The following PCBP3 variants were observed in gnomAD, a reference collection of about 807,000 sequenced individuals.
PCBP3 encodes the protein poly(rC) binding protein 3, also known as poly(rC)-binding protein 3.
A neutral mutation model predicts 52.7 loss-of-function variants in PCBP3; 25 were observed. The observed-to-expected ratio is 0.47, with a 90% CI of 0.35 to 0.66. The LOEUF (loss-of-function observed/expected upper bound fraction) is 0.66, where lower values mean the gene tolerates loss of function less well. Among genes scored for constraint, PCBP3 ranks in the 30% least tolerant of loss-of-function variants. The pLI, the probability that PCBP3 is intolerant of heterozygous loss-of-function variation, is 0.01. For missense variants in PCBP3, 391 were observed against 490.3 expected, an observed-to-expected ratio of 0.80 and a Z score of 1.91; for synonymous variants, 162 against 183.0, an observed-to-expected ratio of 0.89 and a Z score of 0.93.
At chr21:45,761,157 C>G (rs966947291) in intron 4 of PCBP3, 2 of 152,112 alleles carry the variant, frequency 1.3e-5, no homozygotes, top group African/African-American at 2.4e-5. Flanking sequence ...CACGTGGAGC[C>G]TTTCAGGGCT....
intron 4 of PCBP3, among the ~76,000 whole-genome samples, chr21:45,776,296 C>T (rs2090247694): frequency 1.3e-5 from 2 of 152,090 alleles, no homozygotes; most frequent in Admixed American, 1.3e-4. Flanking sequence ...GTAGAGTGTT[C>T]TGTAAATGTC....
intron 4 of PCBP3, among the ~76,000 whole-genome samples, chr21:45,842,045 C>G (rs879627836): frequency 2.6e-5 from 4 of 152,206 alleles, no homozygotes; most frequent in Non-Finnish European, 5.9e-5. Flanking sequence ...ACAAAAATAC[C>G]TCGTGTTCCA....
intron 4 of PCBP3, among the ~76,000 whole-genome samples, chr21:45,847,846 G>A (rs1183057613): frequency 2.6e-5 from 4 of 152,174 alleles, no homozygotes; most frequent in African/African-American, 9.7e-5. Flanking sequence ...TCAACTTGTC[G>A]ATTATTTTTT....
chr21:45,765,022 C>G (rs1401184244), intron 4 of PCBP3, among the ~76,000 whole-genome samples: 1 of 152,220 alleles, frequency 6.6e-6, no homozygotes, highest in Non-Finnish European at 1.5e-5. Flanking sequence ...CGTGGACTTG[C>G]TGCTGTCCAT....
rs1259134476 is a variant in PCBP3 at position 45,656,955 on chromosome 21, G to C, written c.-278-11919G>C. On this transcript the variant is annotated intron_variant, in intron 1 of 17. Coordinates refer to ENST00000681687, the MANE Select transcript of PCBP3 (RefSeq NM_001384156.1). This position sits in a 1 kb window ranked among gnomAD's most constrained non-coding sequence, Gnocchi z 4.3. ...TCCTGCCTCAGCCTCCCGAGTAGCT[G>C]GGACTACAGGTGCCCGCCACTGCGC... Among the ~76,000 whole-genome samples the C allele has an allele frequency of 6.6e-6, 1 of 152,116 alleles. No homozygotes were observed. Among genetic ancestry groups the C allele is most frequent in the African/African-American group, 2.4e-5 (1 of 41,406 alleles).
At chr21:45,662,821 G>A (rs1247574587) in intron 1 of PCBP3, among the ~76,000 whole-genome samples, 2 of 152,140 alleles carry the variant, frequency 1.3e-5, no homozygotes, top group African/African-American at 4.8e-5. Flanking sequence ...GGTAATGCCA[G>A]TGTCTGTTGC....
At chr21:45,674,553 A>C (rs1361080098) in intron 2 of PCBP3, among the ~76,000 whole-genome samples, 2 of 152,164 alleles carry the variant, frequency 1.3e-5, no homozygotes, top group East Asian at 3.9e-4. Context: ...CTTTCACAGG[A>C]TACTTCATTA....
chr21:45,873,455 T>G (rs1457655333), intron 5 of PCBP3: 1 of 152,198 alleles, frequency 6.6e-6, no homozygotes, highest in African/African-American at 2.4e-5. Context: ...AGTCAGAGCT[T>G]TCTGGTGTCT....
At chr21:45,779,140 G>A (rs774772509) in intron 4 of PCBP3, among the ~76,000 whole-genome samples, 2 of 152,210 alleles carry the variant, frequency 1.3e-5, no homozygotes, top group Admixed American at 1.3e-4. Context: ...AGGACATCAC[G>A]CAGTCTGCCA....
At position 45,712,517 on chromosome 21, in the gene PCBP3, T is replaced by G. The variant is rs552309969; in HGVS notation, c.-199-22875T>G. 7.2e-5 allele frequency among the ~76,000 whole-genome samples: 11 copies of G among 152,334 alleles called. No individual in the cohort carries two copies. In the East Asian group the frequency reaches 1.9e-3, roughly 27 times the overall value. On this transcript the variant is annotated intron_variant, in intron 2 of 17. Coordinates refer to ENST00000681687, the MANE Select transcript of PCBP3 (RefSeq NM_001384156.1). The stretch of plus-strand genomic sequence containing the variant: ...GATGTGTTTAATGTGGTGAGCCAGT[T>G]TTGAAAACTGACTCTTCTGTACCTC...
At chr21:45,857,573 C>G (rs79863807) in intron 5 of PCBP3, among the ~76,000 whole-genome samples, 1 of 152,134 alleles carries the variant, frequency 6.6e-6, no homozygotes, top group African/African-American at 2.4e-5. Flanking sequence ...TATAACCCCC[C>G]ACCTTTGAGC....
intron 8 of PCBP3, 108 bp from the exon 9 acceptor site, chr21:45,900,889 G>C (rs2096016761): frequency 1.3e-6 from 1 of 784,014 alleles, no homozygotes; most frequent in Non-Finnish European, 2.3e-6. Flanking sequence ...GTTTCCGTCA[G>C]CGGACAGAGG....
chr21:45,787,516 C>T (rs938743722), intron 4 of PCBP3, among the ~76,000 whole-genome samples: 3 of 152,326 alleles, frequency 2.0e-5, no homozygotes, highest in South Asian at 2.1e-4. Context: ...CCTGGCCCCC[C>T]ACAGTGCTGG....
intron 5 of PCBP3, among the ~76,000 whole-genome samples, chr21:45,852,676 G>T (rs960935663): frequency 2.0e-5 from 3 of 151,086 alleles, no homozygotes; most frequent in Admixed American, 1.3e-4. Context: ...GCTGATTTTT[G>T]TTCAGAAGGA....
chr21:45,809,983 C>T (rs951607388), intron 4 of PCBP3, among the ~76,000 whole-genome samples: 15 of 152,264 alleles, frequency 9.9e-5, no homozygotes, highest in Admixed American at 3.9e-4. Context: ...GGATCAAGCA[C>T]ATCAATAATC....
At chr21:45,930,494 G>A (rs2076039771) in intron 14 of PCBP3, among the ~76,000 whole-genome samples, 2 of 152,196 alleles carry the variant, frequency 1.3e-5, no homozygotes, top group Admixed American at 1.3e-4. Context: ...TCGCTGTCAT[G>A]AGGCCATCAA....
chr21:45,796,636 T>G (rs1042018122), intron 4 of PCBP3, among the ~76,000 whole-genome samples: 2 of 152,238 alleles, frequency 1.3e-5, no homozygotes, highest in East Asian at 1.9e-4. Flanking sequence ...TGACCTCAGT[T>G]GTTTAGTTTT....
At chr21:45,715,124 T>A (rs1424323647) in intron 2 of PCBP3, among the ~76,000 whole-genome samples, 3 of 152,174 alleles carry the variant, frequency 2.0e-5, no homozygotes, top group African/African-American at 7.2e-5. Flanking sequence ...TGCAGTTTGG[T>A]ATTGTTTTTG....
chr21:45,867,951 G>A lies in PCBP3; in HGVS notation c.10+17856G>A, dbSNP rs560877907. On this transcript the variant is annotated intron_variant, in intron 5 of 17. Transcript: ENST00000681687. ...GGAAGAGTCTCAGAAATGTTACTTT[G>A]AGTCAAAAAGCTGGACAAAAAAAGG... Among the ~76,000 whole-genome samples, 20 of 152,368 alleles carry A rather than the reference G, an allele frequency of 1.3e-4. No homozygotes were observed. The East Asian group carries it at 3.7e-3, about 28-fold the overall frequency.
Sources: allele counts gnomAD v4.1 joint callset (sites outside exome capture counted in the v4.1 genomes callset), GRCh38; gene constraint gnomAD v4.1.1; non-coding constraint Gnocchi (gnomAD v3.1); transcripts MANE v1.5; gene names NCBI Gene and HGNC (gene_info 2026-07-23, HGNC 2026-07-21).